PDGFC: variants seen among roughly 807,000 people sequenced by gnomAD.
The protein encoded by PDGFC is platelet derived growth factor C, also known as platelet-derived growth factor C.
A neutral mutation model predicts 35.5 loss-of-function variants in PDGFC; 12 were observed. The observed-to-expected ratio is 0.34, with a 90% CI of 0.22 to 0.55. The LOEUF (loss-of-function observed/expected upper bound fraction) is 0.55, where lower values mean the gene tolerates loss of function less well. Among genes scored for constraint, PDGFC ranks in the 20% least tolerant of loss-of-function variants. The probability of loss-of-function intolerance (pLI) is 0.91; values close to 1 mark genes in which losing one functional copy is unlikely to be tolerated. For synonymous variants in PDGFC, 159 were observed against 148.8 expected (o/e 1.07, Z -0.50); for missense variants, 322 against 412.4 (o/e 0.78, Z 1.90).
chr4:156,843,803 A>G (rs2111063228), intron 2 of PDGFC, among the ~76,000 whole-genome samples: 1 of 152,310 alleles, frequency 6.6e-6, no homozygotes, highest in Non-Finnish European at 1.5e-5. Flanking sequence ...CACTGTTTAC[A>G]GTAACTTATC....
intron 1 of PDGFC, among the ~76,000 whole-genome samples, chr4:156,932,311 A>T (rs2110879927): frequency 6.6e-6 from 1 of 152,274 alleles, no homozygotes; most frequent in Non-Finnish European, 1.5e-5. Flanking sequence ...AGAGTGAAGT[A>T]AGGCCATTTT....
chr4:156,962,742 G>A (rs531978318), intron 1 of PDGFC, among the ~76,000 whole-genome samples: 4 of 152,260 alleles, frequency 2.6e-5, no homozygotes, highest in Middle Eastern at 3.4e-3. Context: ...CCTTAGCTAA[G>A]CTACTTAGCC....
chr4:156,768,356 G>T (rs1730598033), intron 4 of PDGFC, among the ~76,000 whole-genome samples: 4 of 150,924 alleles, frequency 2.7e-5, no homozygotes, highest in South Asian at 2.1e-4. Context: ...CAGGAGAGAA[G>T]AATAAAATGC....
At chr4:156,960,252 T>TTATATATATATATATATATATATATATA (rs202066963) in intron 1 of PDGFC, among the ~76,000 whole-genome samples, 21 of 137,106 alleles carry the variant, frequency 1.5e-4, no homozygotes, top group African/African-American at 4.8e-4. Flanking sequence ...TATATAACTG[T>TTATATATATATATATATATATATATATA]TATATATATA....
intron 1 of PDGFC, among the ~76,000 whole-genome samples, chr4:156,924,606 T>G (rs1276519573): frequency 6.6e-6 from 1 of 152,074 alleles, no homozygotes; most frequent in Non-Finnish European, 1.5e-5. Flanking sequence ...AAAAAGTTTA[T>G]TAGGGAGGGG....
In PDGFC at chr4:156,782,621, T is replaced by C. The variant is rs545259246; in HGVS notation, c.496-9728A>G. ...CAAAAAATAAAAGCATAAACAGTTATATGTTCTTTGGTCATGTTTTTACAT... is the reference window on the plus strand; with the variant it reads ...CAAAAAATAAAAGCATAAACAGTTACATGTTCTTTGGTCATGTTTTTACAT... On this transcript the variant is annotated intron_variant, in intron 3 of 5. Transcript: ENST00000502773. Among the ~76,000 whole-genome samples the C allele has an allele frequency of 5.1e-4, 78 of 152,328 alleles. 2 individuals are homozygous for C. The South Asian group carries it at 0.016, about 30-fold the overall frequency.
At chr4:156,959,638 T>C (rs143661655) in intron 1 of PDGFC, among the ~76,000 whole-genome samples, 194 of 152,160 alleles carry the variant, frequency 1.3e-3, no homozygotes, top group African/African-American at 4.6e-3. Flanking sequence ...CTTTATGCAG[T>C]TTTAAATGTT....
rs750843965 is a variant in PDGFC at position 156,789,976 on chromosome 4, CAAAAAAAAAAAA to C, written c.496-17095_496-17084del. Among the ~76,000 whole-genome samples, 3 of 55,934 alleles carry C rather than the reference CAAAAAAAAAAAA, an allele frequency of 5.4e-5. No individual in the cohort carries two copies. In the East Asian group the frequency reaches 1.7e-3, roughly 31 times the overall value. The allele number at this position is 55,934 out of a possible 152,430, so 36.7% of individuals were successfully genotyped here. A position where few individuals can be genotyped will look rare whatever the true frequency, so the allele number is the denominator to read the frequency against. On this transcript the variant is annotated intron_variant, in intron 3 of 5. Transcript: ENST00000502773. ...TGGATGACAGAGTGAGTCTCCATCT[CAAAAAAAAAAAA>C]AAAAAAAAAAGAAAGAATACTTTGA...
chr4:156,823,028 C>A (rs986796544), intron 2 of PDGFC, among the ~76,000 whole-genome samples: 4 of 152,132 alleles, frequency 2.6e-5, no homozygotes, highest in Non-Finnish European at 5.9e-5. Flanking sequence ...GCCACAGCAC[C>A]CAGCCCAGAG....
chr4:156,859,264 C>T (rs996350668), intron 1 of PDGFC, among the ~76,000 whole-genome samples: 1 of 152,034 alleles, frequency 6.6e-6, no homozygotes, highest in African/African-American at 2.4e-5. Flanking sequence ...GCTTCCTGTT[C>T]CATTTAGCAT....
chr4:156,907,187 T>G (rs1730934700), intron 1 of PDGFC, among the ~76,000 whole-genome samples: 1 of 152,144 alleles, frequency 6.6e-6, no homozygotes. Context: ...AAAGAGATGT[T>G]TAAAATGCAT....
At chr4:156,956,159 T>C (rs528272601) in intron 1 of PDGFC, among the ~76,000 whole-genome samples, 2 of 152,166 alleles carry the variant, frequency 1.3e-5, no homozygotes, top group South Asian at 4.1e-4. Flanking sequence ...ATTAAATTAA[T>C]TTATTGTTTG....
intron 1 of PDGFC, among the ~76,000 whole-genome samples, chr4:156,860,595 C>A (rs1249597985): frequency 6.6e-6 from 1 of 152,022 alleles, no homozygotes. Context: ...AAAAAATGCA[C>A]AAATTATACT....
rs146608979 is a variant in PDGFC at position 156,763,975 on chromosome 4, T to C, written c.922-769A>G. ...ACTATGACAAAAAGATGCAGTTGTG[T>C]ATTCTATAAAATATTAATTAAAGTA... On this transcript the variant is annotated intron_variant, in intron 5 of 5. Coordinates refer to ENST00000502773, the MANE Select transcript of PDGFC (RefSeq NM_016205.3). 3.4e-3 allele frequency among the ~76,000 whole-genome samples: 518 copies of C among 152,372 alleles called. 7 individuals carry two copies. Among genetic ancestry groups the C allele is most frequent in the African/African-American group, 0.012 (491 of 41,602 alleles).
chr4:156,791,975 T>A (rs566333631), intron 3 of PDGFC, among the ~76,000 whole-genome samples: 23 of 152,200 alleles, frequency 1.5e-4, no homozygotes, highest in African/African-American at 5.3e-4. Flanking sequence ...GAAACTTTGA[T>A]ATATCTAATG....
intron 5 of PDGFC, among the ~76,000 whole-genome samples, chr4:156,765,140 G>A (rs1361544483): frequency 6.6e-6 from 1 of 152,142 alleles, no homozygotes; most frequent in Non-Finnish European, 1.5e-5. Context: ...AGAAACTTAA[G>A]TCCTGGATAA....
intron 1 of PDGFC, among the ~76,000 whole-genome samples, chr4:156,928,461 G>C (rs1043415745): frequency 6.6e-5 from 10 of 152,232 alleles, no homozygotes; most frequent in Admixed American, 6.5e-4. Flanking sequence ...CAGGATAAAA[G>C]AAATGAAAAA....
At chr4:156,820,060 T>C (rs1020378933) in intron 2 of PDGFC, among the ~76,000 whole-genome samples, 6 of 152,210 alleles carry the variant, frequency 3.9e-5, no homozygotes, top group Admixed American at 1.3e-4. Flanking sequence ...GGTAACTGAA[T>C]TGCTGCAATT....
intron 3 of PDGFC, among the ~76,000 whole-genome samples, chr4:156,810,488 G>C (rs961482664): frequency 6.6e-6 from 1 of 151,796 alleles, no homozygotes; most frequent in South Asian, 2.1e-4. Flanking sequence ...AATTCAGTTT[G>C]CATTGTATTG....
Sources: gnomAD v4.1 joint callset for allele counts (sites outside exome capture counted in the v4.1 genomes callset) on GRCh38, gnomAD v4.1.1 for gene constraint, MANE v1.5 for transcripts, NCBI Gene and HGNC (gene_info 2026-07-23, HGNC 2026-07-21) for gene names.